The following DMD variants were observed in gnomAD, a reference collection of about 807,000 sequenced individuals.
The protein encoded by DMD is dystrophin.
A neutral mutation model predicts 330.1 loss-of-function variants in DMD; 63 were observed. The ratio of observed to expected loss-of-function variants is 0.19; its 90% CI spans 0.16 to 0.24. The LOEUF (loss-of-function observed/expected upper bound fraction) is 0.24. DMD is among the 10% of genes least tolerant of loss of function. The pLI, the probability that DMD is intolerant of heterozygous loss-of-function variation, is 1.00. For missense variants in DMD, 3,344 were observed against 2,684.1 expected (o/e 1.25, Z -5.43); for synonymous variants, 1,223 against 959.8 (o/e 1.27, Z -5.07).
intron 44 of DMD, among the ~76,000 whole-genome samples, chrX:32,128,474 A>G (rs1323754997): frequency 3.6e-5 from 4 of 112,514 alleles, no homozygotes; most frequent in African/African-American, 1.3e-4. Context: ...TTAAAAAATT[A>G]TATTCCAAAT....
chrX:33,047,535 A>T (rs1238640501), intron 1 of DMD, among the ~76,000 whole-genome samples: 1 of 111,269 alleles, frequency 9.0e-6, no homozygotes, highest in East Asian at 2.8e-4. Flanking sequence ...ACCTACTTTC[A>T]TATTTTTAGG....
At chrX:32,437,126 G>T (rs1217310193) in intron 29 of DMD, among the ~76,000 whole-genome samples, 4 of 111,472 alleles carry the variant, frequency 3.6e-5, no homozygotes, top group African/African-American at 6.5e-5. Flanking sequence ...CAATTTACTT[G>T]CCACATAGCA....
intron 50 of DMD, among the ~76,000 whole-genome samples, chrX:31,804,539 T>C (rs1198919252): frequency 8.9e-6 from 1 of 112,158 alleles, no homozygotes; most frequent in Non-Finnish European, 1.9e-5. Flanking sequence ...CTCTCTACAA[T>C]GCTTCAGTGG....
chrX:31,806,985 G>C (rs776344207), intron 50 of DMD, among the ~76,000 whole-genome samples: 2 of 111,976 alleles, frequency 1.8e-5, no homozygotes, highest in Non-Finnish European at 3.8e-5. Flanking sequence ...TAAAAAGGGC[G>C]AGAGCAACAG....
At chrX:33,227,059 C>A (rs1456862511) in intron 1 of DMD, among the ~76,000 whole-genome samples, 3 of 109,330 alleles carry the variant, frequency 2.7e-5, no homozygotes, top group Admixed American at 1.0e-4. Flanking sequence ...ATATGCAAAT[C>A]AGAATTCTGG....
At chrX:32,510,523 G>A (rs1207684961) in intron 18 of DMD, among the ~76,000 whole-genome samples, 1 of 111,499 alleles carries the variant, frequency 9.0e-6, no homozygotes, top group African/African-American at 3.3e-5. Flanking sequence ...ATAAGGTCAG[G>A]TATCCTTATC....
intron 55 of DMD, among the ~76,000 whole-genome samples, chrX:31,529,897 T>A (rs868326900): frequency 8.1e-5 from 8 of 98,611 alleles, no homozygotes; most frequent in Non-Finnish European, 1.0e-4. Flanking sequence ...AAGATTTCTT[T>A]AAAAAAAAAA....
chrX:31,723,424 A>G (rs1439003117), intron 52 of DMD, among the ~76,000 whole-genome samples: 1 of 111,071 alleles, frequency 9.0e-6, no homozygotes, highest in Non-Finnish European at 1.9e-5. Context: ...AAAGAATTCA[A>G]TCTCCAACTC....
chrX:31,885,054 T>A (rs2094130581), intron 47 of DMD, among the ~76,000 whole-genome samples: 1 of 111,577 alleles, frequency 9.0e-6, no homozygotes, highest in South Asian at 3.7e-4. Flanking sequence ...TATTATAACT[T>A]AGGTTTACAA....
intron 7 of DMD, among the ~76,000 whole-genome samples, chrX:32,708,880 C>A (rs1420229608): frequency 9.0e-6 from 1 of 111,400 alleles, no homozygotes; most frequent in Non-Finnish European, 1.9e-5. Flanking sequence ...ACACAAACTT[C>A]AACAACTGAC....
intron 44 of DMD, among the ~76,000 whole-genome samples, chrX:32,040,254 G>A (rs1054612679): frequency 5.4e-5 from 6 of 111,126 alleles, no homozygotes; most frequent in East Asian, 2.8e-4. Flanking sequence ...GTGTGTAAGC[G>A]TGTGTGTGTA....
At chrX:32,481,088 G>A (rs1443665899) in intron 21 of DMD, among the ~76,000 whole-genome samples, 1 of 110,735 alleles carries the variant, frequency 9.0e-6, no homozygotes, top group African/African-American at 3.3e-5. Flanking sequence ...TCCTAACAGG[G>A]AGGGGTAGAG....
chrX:32,782,523 G>C (rs913249382), intron 7 of DMD, among the ~76,000 whole-genome samples: 2 of 111,108 alleles, frequency 1.8e-5, no homozygotes, highest in African/African-American at 6.6e-5. Flanking sequence ...GTTAAATCCA[G>C]AAAGAAAATA....
intron 1 of DMD, chrX:33,041,387 G>A (rs958169446): frequency 7.6e-6 from 9 of 1,188,589 alleles, no homozygotes; most frequent in African/African-American, 3.5e-5. Context: ...CGCGGGGCTC[G>A]AGGGACCATG....
At chrX:31,557,634 T>C (rs1462513131) in intron 55 of DMD, among the ~76,000 whole-genome samples, 2 of 112,290 alleles carry the variant, frequency 1.8e-5, no homozygotes, top group African/African-American at 3.2e-5. Context: ...TTAATGCTTA[T>C]TGAATGAACC....
chrX:32,415,596 C>G (rs894102785), intron 29 of DMD, among the ~76,000 whole-genome samples: 10 of 112,289 alleles, frequency 8.9e-5, no homozygotes, highest in Non-Finnish European at 1.7e-4. Flanking sequence ...CAACCATAAT[C>G]TGATTTTTTG....
chrX:31,903,029 T>G (rs2094441231), intron 47 of DMD, among the ~76,000 whole-genome samples: 1 of 111,550 alleles, frequency 9.0e-6, no homozygotes, highest in Non-Finnish European at 1.9e-5. Flanking sequence ...ATTGCCATTG[T>G]TTATCTAGAA....
chrX:31,146,527 G>C (rs1369179928), intron 75 of DMD, 113 bp from the exon 76 acceptor site: 34 of 746,165 alleles, frequency 4.6e-5, no homozygotes, highest in Non-Finnish European at 6.6e-5. Context: ...TCCTACTTTA[G>C]AAGCCCTCCC....
intron 47 of DMD, among the ~76,000 whole-genome samples, chrX:31,885,247 C>T (rs962876460): frequency 2.7e-5 from 3 of 111,435 alleles, no homozygotes; most frequent in African/African-American, 9.8e-5. Flanking sequence ...CCAGGTTTTA[C>T]TGACTTCATA....
Sources: gnomAD v4.1 joint callset for allele counts (sites outside exome capture counted in the v4.1 genomes callset) on GRCh38, gnomAD v4.1.1 for gene constraint, MANE v1.5 for transcripts, NCBI Gene and HGNC (gene_info 2026-07-23, HGNC 2026-07-21) for gene names.